Variants in UBE4A observed in about 807,000 individuals in gnomAD.
The protein encoded by UBE4A is ubiquitin conjugation factor E4 A.
Under a neutral mutation model 117.9 loss-of-function variants are expected in UBE4A, and 48 were observed. The ratio of observed to expected loss-of-function variants is 0.41; its 90% CI spans 0.32 to 0.52. UBE4A has a LOEUF of 0.52. Among genes scored for constraint, UBE4A ranks in the 20% least tolerant of loss-of-function variants. The pLI is 0.33. For synonymous variants in UBE4A, 407 were observed against 450.0 expected, an observed-to-expected ratio of 0.90 and a Z score of 1.21; for missense variants, 1,067 against 1,296.3, an observed-to-expected ratio of 0.82 and a Z score of 2.72.
chr11:118,363,016 C>T (rs1305176816), intron 1 of UBE4A, among the ~76,000 whole-genome samples: 5 of 152,082 alleles, frequency 3.3e-5, no homozygotes, highest in African/African-American at 1.2e-4. Flanking sequence ...ATAACAAGAG[C>T]TCAATATACT....
intron 4 of UBE4A, 109 bp from the exon 5 acceptor site, chr11:118,371,405 C>T (rs1363611413): frequency 2.2e-6 from 3 of 1,360,220 alleles, no homozygotes; most frequent in Non-Finnish European, 3.0e-6. Flanking sequence ...ACTCTACATT[C>T]AAATCTGTGA....
intron 11 of UBE4A, among the ~76,000 whole-genome samples, chr11:118,379,983 T>A (rs939704371): frequency 6.6e-6 from 1 of 152,190 alleles, no homozygotes; most frequent in Admixed American, 6.5e-5. Flanking sequence ...TTCAAAGGAT[T>A]AAGTGTAATC....
chr11:118,385,604 A>T (rs1024841945), intron 15 of UBE4A, among the ~76,000 whole-genome samples: 1 of 152,168 alleles, frequency 6.6e-6, no homozygotes, highest in Non-Finnish European at 1.5e-5. Context: ...TCCCATAAAA[A>T]CTTGGCTGTC....
rs148757598 is a variant in UBE4A, at chr11:118,373,258, C to T, written c.894C>T (p.Leu298=). 1.9e-6 allele frequency: 3 copies of T among 1,612,766 alleles called. No individual in the cohort carries two copies. Among genetic ancestry groups the T allele is most frequent in the Admixed American group, 3.3e-5 (2 of 60,000 alleles). Residue 298 remains leucine, a synonymous_variant, in exon 7 of 20, where the codon CTC becomes CTT. Coordinates refer to ENST00000252108, the MANE Select transcript of UBE4A (RefSeq NM_001204077.2). The part of the protein sequence containing the change: ...ILLYAYLDIL[L]YFTRQKDMAK... ...TGTATGCATATCTGGATATTCTTCTCTATTTCACTAGGCAAAAAGATATGG... is the reference window on the plus strand; with the variant it reads ...TGTATGCATATCTGGATATTCTTCTTTATTTCACTAGGCAAAAAGATATGG...
rs141539287 is a variant in UBE4A, at chr11:118,365,197, A to G, written c.117A>G (p.Gln39=). Residue 39 remains glutamine (Q), a synonymous_variant, in exon 2 of 20, where the codon CAA becomes CAG. Transcript: ENST00000252108. ...AAIQKEQLKQ[Q]SDELPASPDD... is the part of the protein sequence containing the mutation. ...TCCAAAAAGAGCAGCTGAAGCAACA[A>G]TCTGGTAAGTGGAGGAGCCAATAGC... 227 of 1,607,756 alleles carry G rather than the reference A, an allele frequency of 1.4e-4. 2 individuals carry two copies. The Middle Eastern group carries it at 3.6e-3, about 26-fold the overall frequency.
Position 118,372,936 on chromosome 11 carries a change from G to C in UBE4A, c.722-150G>C, listed in dbSNP as rs569327687. On this transcript the variant is annotated intron_variant, in intron 6 of 19. Coordinates refer to ENST00000252108, the MANE Select transcript of UBE4A (RefSeq NM_001204077.2). ...TGTAGTGTGCTATAATCACACCTGT[G>C]AATAGCCACTACACTCCAGGCTGAG... 7 of 815,266 alleles carry C rather than the reference G, an allele frequency of 8.6e-6. No individual in the cohort carries two copies. In the African/African-American group the frequency reaches 1.2e-4, roughly 14 times the overall value. 50.5% of individuals were successfully genotyped at this position (815,266 alleles called of 1,614,324 possible).
chr11:118,381,034 A>C (rs1948700941), intron 11 of UBE4A, among the ~76,000 whole-genome samples: 1 of 152,244 alleles, frequency 6.6e-6, no homozygotes, highest in African/African-American at 2.4e-5. Context: ...TTGGAGGACC[A>C]TCCTGGAGTC....
At chr11:118,385,006 C>T (rs1591305117) in intron 15 of UBE4A, 61 bp downstream of exon 15, 4 of 1,417,478 alleles carry the variant, frequency 2.8e-6, no homozygotes, top group East Asian at 4.6e-5. Flanking sequence ...ATCAGCAGTA[C>T]ATACATTTTA....
At position 118,390,796 on chromosome 11, in the gene UBE4A, A is replaced by G. The variant is rs2134111725; in HGVS notation, c.2908A>G (p.Arg970Gly). Residue 970 changes from arginine (R) to glycine (G), a missense_variant, in exon 18 of 20, where the codon AGA becomes GGA. By Grantham distance (125) the Arg-to-Gly change is moderately radical. This residue lies in a region of UBE4A where 1,001 missense variants were observed against 1,184.0 expected (regional missense o/e 0.85). Transcript: ENST00000252108. ...TATGGCTTTCAGCAACTTGGCAGAG[A>G]GAATCAAGGTGAGGAAGAGGAGGAA... ...MIMAFSNLAE[R>G]IKSLADLQQQ... 1.2e-6 allele frequency: 2 copies of G among 1,610,266 alleles called. No homozygotes were observed. Among genetic ancestry groups the G allele is most frequent in the East Asian group, 4.5e-5 (2 of 44,360 alleles).
rs1338347581 is a variant in UBE4A at position 118,397,715 on chromosome 11, G to T, written c.*1275G>T. On this transcript the variant is annotated 3_prime_UTR_variant, in exon 20 of 20. Transcript: ENST00000252108. ...AGCCCAGAGATGTCATAAGTGACAA[G>T]AAAAGTGATAGGATCAAGAAATGGG... 3.3e-5 allele frequency: 5 copies of T among 152,314 alleles called. No homozygotes were observed. In the Middle Eastern group the frequency reaches 0.01, roughly 311 times the overall value. 9.4% of individuals were successfully genotyped at this position (152,314 alleles called of 1,614,324 possible). A position where few individuals can be genotyped will look rare whatever the true frequency, so the allele number is the denominator to read the frequency against.
At chr11:118,386,706 C>T (rs1310488364) in intron 16 of UBE4A, 94 bp downstream of exon 16, 51 of 1,343,358 alleles carry the variant, frequency 3.8e-5, no homozygotes, top group Non-Finnish European at 4.9e-5. Flanking sequence ...AGAATTCAGA[C>T]CCTGGTGACA....
intron 19 of UBE4A, 61 bp downstream of exon 19, chr11:118,392,956 C>T: frequency 6.5e-7 from 1 of 1,540,116 alleles, no homozygotes; most frequent in Non-Finnish European, 8.8e-7. Flanking sequence ...CTATCTTTTT[C>T]TCCCAGGCAC....
At position 118,368,694 on chromosome 11, in the gene UBE4A, A is replaced by T. The variant is rs750296342; in HGVS notation, c.185A>T (p.Asp62Val). 3.1e-6 allele frequency: 5 copies of T among 1,614,090 alleles called. No homozygotes were observed. The highest frequency in any genetic ancestry group is 3.4e-6 in the Non-Finnish European group (4 of 1,180,052). The change falls in exon 3 of 20, where the codon GAT becomes GTT. Residue 62 changes from aspartate to valine, a missense_variant. By Grantham distance (152) the Asp-to-Val change is radical (BLOSUM62 -3). This residue lies in a region of UBE4A where 1,001 missense variants were observed against 1,184.0 expected (regional missense o/e 0.85). Coordinates refer to ENST00000252108, the MANE Select transcript of UBE4A (RefSeq NM_001204077.2). Reference sequence around the variant, plus strand: ...GTGTCAGAGAGCCTGGATGAATTCGATTACTCTGTGGCTGAGATTAGCCGC... The same window carrying T: ...GTGTCAGAGAGCCTGGATGAATTCGTTTACTCTGTGGCTGAGATTAGCCGC... ...NSVSESLDEFDYSVAEISRSF... is the reference protein window; with the variant it reads ...NSVSESLDEFVYSVAEISRSF...
chr11:118,373,816 A>G, intron 8 of UBE4A, 131 bp downstream of exon 8: 4 of 1,146,816 alleles, frequency 3.5e-6, no homozygotes, highest in South Asian at 1.8e-5. Context: ...CATCACATAA[A>G]TAAATTAAAA....
chr11:118,370,966 C>T (rs1193096677), intron 4 of UBE4A, among the ~76,000 whole-genome samples: 2 of 152,190 alleles, frequency 1.3e-5, no homozygotes, highest in African/African-American at 4.8e-5. Flanking sequence ...TACCCAGACA[C>T]CTCCCACTAG....
intron 10 of UBE4A, among the ~76,000 whole-genome samples, chr11:118,377,284 T>C (rs923749265): frequency 3.9e-5 from 6 of 152,194 alleles, no homozygotes; most frequent in African/African-American, 1.4e-4. Context: ...CTCTGCTCAC[T>C]GCAACCTCCG....
At position 118,375,024 on chromosome 11, in the gene UBE4A, G is replaced by C. The variant is rs147900419; in HGVS notation, c.1245G>C (p.Lys415Asn). Residue 415 changes from lysine (K) to asparagine (N), a missense_variant, in exon 9 of 20, where the codon AAG becomes AAC. Coordinates refer to ENST00000252108, the MANE Select transcript of UBE4A (RefSeq NM_001204077.2). ...NCLHANAGRT[K>N]IWANQMPEIF... ...TGCATGCAAATGCAGGCCGCACCAA[G>C]ATTTGGGCCAATCAGATGCCAGAAA... is the stretch of plus-strand genomic sequence containing the variant. The C allele has an allele frequency of 6.2e-7, 1 of 1,614,012 alleles. No individual in the cohort carries two copies. The highest frequency in any genetic ancestry group is 1.3e-5 in the African/African-American group (1 of 74,928).
Position 118,379,547 on chromosome 11 carries a change from G to T in UBE4A, c.1673G>T (p.Arg558Leu). ...TCTAGCCCTGCTGCTGACAATCTTC[G>T]TGAGCAGTTTGAACGACTGATGACC... ...QSSSPAADNL[R>L]EQFERLMTIY... The change falls in exon 11 of 20, where the codon CGT (arginine) becomes CTT (leucine). Residue 558 changes from arginine to leucine, a missense_variant. This residue lies in a region of UBE4A where 1,001 missense variants were observed against 1,184.0 expected (regional missense o/e 0.85). Transcript: ENST00000252108. 6.2e-7 allele frequency: 1 copy of T among 1,614,068 alleles called. No homozygotes were observed. The highest frequency in any genetic ancestry group is 8.5e-7 in the Non-Finnish European group (1 of 1,180,036).
At chr11:118,365,315 G>T in intron 2 of UBE4A, 114 bp downstream of exon 2, 1 of 1,402,494 alleles carries the variant, frequency 7.1e-7, no homozygotes, top group East Asian at 2.7e-5. Context: ...AACAAAAGTT[G>T]GTTTTTGTTT....
Sources: allele counts gnomAD v4.1 joint callset (sites outside exome capture counted in the v4.1 genomes callset), GRCh38; gene constraint gnomAD v4.1.1; regional missense constraint gnomAD v4.1.1; transcripts MANE v1.5; gene names NCBI Gene and HGNC (gene_info 2026-07-23, HGNC 2026-07-21).